PRDM16: variants seen among roughly 807,000 people sequenced by gnomAD.
PRDM16 encodes the protein PR/SET domain 16.
A neutral mutation model predicts 110.6 loss-of-function variants in PRDM16; 23 were observed. The observed-to-expected ratio is 0.21, with a 90% CI of 0.15 to 0.29. The LOEUF is 0.29. Ranked by LOEUF, PRDM16 falls within the 10% of genes least tolerant of loss-of-function variation. PRDM16 has a pLI of 1.00. For missense variants in PRDM16, 1,615 were observed against 1,794.3 expected (o/e 0.90, Z 1.81); for synonymous variants, 799 against 781.8 (o/e 1.02, Z -0.37).
chr1:3,197,172 C>G (rs1383777789), intron 2 of PRDM16, among the ~76,000 whole-genome samples: 1 of 152,194 alleles, frequency 6.6e-6, no homozygotes, highest in Non-Finnish European at 1.5e-5. Context: ...ATCTCCTCCC[C>G]CTCCCAGTGC....
At chr1:3,117,737 C>T (rs1372112789) in intron 1 of PRDM16, among the ~76,000 whole-genome samples, 1 of 152,152 alleles carries the variant, frequency 6.6e-6, no homozygotes, top group African/African-American at 2.4e-5. Flanking sequence ...GGCTGAGCCA[C>T]AGGCCCGGGC....
chr1:3,268,494 G>T (rs907683562), intron 3 of PRDM16, among the ~76,000 whole-genome samples: 3 of 152,216 alleles, frequency 2.0e-5, no homozygotes, highest in Non-Finnish European at 2.9e-5. Flanking sequence ...GGGCAGACGG[G>T]CCCTGCGAGG....
At chr1:3,384,476 G>C (rs1643161975) in intron 3 of PRDM16, among the ~76,000 whole-genome samples, 1 of 152,172 alleles carries the variant, frequency 6.6e-6, no homozygotes, top group Non-Finnish European at 1.5e-5. Flanking sequence ...CCTCGGAGGA[G>C]TGGGGGTCAC....
chr1:3,118,914 G>GGA lies in PRDM16; in HGVS notation c.37+49622_37+49623dup, dbSNP rs566937179. 2.0e-3 allele frequency among the ~76,000 whole-genome samples: 306 copies of GGA among 152,340 alleles called. 1 individual carries two copies. The highest frequency in any genetic ancestry group is 7.2e-3 in the African/African-American group (301 of 41,578). On this transcript the variant is annotated intron_variant, in intron 1 of 16. Coordinates refer to ENST00000270722, the MANE Select transcript of PRDM16 (RefSeq NM_022114.4). ...AAGACTCCCATCAAAGAAAGGCCTG[G>GGA]GAGAGCCCCCTGCCCGACCTTCTAA...
intron 1 of PRDM16, among the ~76,000 whole-genome samples, chr1:3,181,164 GGTCT>G (rs1557508177): frequency 6.5e-5 from 2 of 30,864 alleles, no homozygotes; most frequent in African/African-American, 2.1e-4. Context: ...TCTTACACGC[GGTCT>G]TACGGTCTTA....
At chr1:3,338,366 C>T (rs1020134721) in intron 3 of PRDM16, among the ~76,000 whole-genome samples, 1 of 152,232 alleles carries the variant, frequency 6.6e-6, no homozygotes, top group African/African-American at 2.4e-5. Flanking sequence ...GGACATTTGG[C>T]CTCTAGGCTT....
chr1:3,388,966 C>G (rs2100613535), intron 4 of PRDM16, among the ~76,000 whole-genome samples: 1 of 152,328 alleles, frequency 6.6e-6, no homozygotes, highest in Non-Finnish European at 1.5e-5. Flanking sequence ...CTCCAGGGCA[C>G]CTGCTGAGCT....
intron 3 of PRDM16, among the ~76,000 whole-genome samples, chr1:3,365,909 T>C (rs949097997): frequency 3.3e-5 from 5 of 149,992 alleles, no homozygotes; most frequent in African/African-American, 1.2e-4. Flanking sequence ...TGCACACACA[T>C]GCACACATAC....
At chr1:3,222,912 G>A (rs567342771) in intron 2 of PRDM16, among the ~76,000 whole-genome samples, 81 of 152,236 alleles carry the variant, frequency 5.3e-4, no homozygotes, top group African/African-American at 1.9e-3. Context: ...AGGCCGGGGT[G>A]GAGTTTGGTG....
At chr1:3,360,749 A>G (rs1259645101) in intron 3 of PRDM16, among the ~76,000 whole-genome samples, 2 of 152,198 alleles carry the variant, frequency 1.3e-5, no homozygotes, top group Non-Finnish European at 2.9e-5. Context: ...CAGGAGTCCA[A>G]CTGACCGAGT....
At chr1:3,277,267 G>A (rs1051779307) in intron 3 of PRDM16, among the ~76,000 whole-genome samples, 11 of 152,154 alleles carry the variant, frequency 7.2e-5, no homozygotes, top group East Asian at 1.9e-4. Context: ...GCAAACAGTC[G>A]AGTCCTGGCT....
intron 3 of PRDM16, among the ~76,000 whole-genome samples, chr1:3,361,058 G>A (rs1642704292): frequency 6.6e-6 from 1 of 152,264 alleles, no homozygotes; most frequent in East Asian, 1.9e-4. Context: ...CTGCGGAACA[G>A]CGTTCCATTG....
At chr1:3,403,203 G>T (rs964840695) in intron 6 of PRDM16, among the ~76,000 whole-genome samples, 1 of 152,202 alleles carries the variant, frequency 6.6e-6, no homozygotes, top group Non-Finnish European at 1.5e-5. Context: ...CAGAGCAGGT[G>T]CAGGATCCCG....
At position 3,437,832 on chromosome 1, in the gene PRDM16, A is replaced by G. The variant is rs1439995011; in HGVS notation, c.*4021A>G. The G allele has an allele frequency of 9.2e-6, 2 of 217,202 alleles. No individual in the cohort carries two copies. Among genetic ancestry groups the G allele is most frequent in the Non-Finnish European group, 1.9e-5 (2 of 107,980 alleles). The allele number at this position is 217,202 out of a possible 1,614,324, so 13.5% of individuals were successfully genotyped here. A position where few individuals can be genotyped will look rare whatever the true frequency, so the allele number is the denominator to read the frequency against. On this transcript the variant is annotated 3_prime_UTR_variant, in exon 17 of 17. Coordinates refer to ENST00000270722, the MANE Select transcript of PRDM16 (RefSeq NM_022114.4). The stretch of plus-strand genomic sequence containing the variant: ...CTTGTGAACAAAAGTCATTCTAACA[A>G]TTGCCTTCAGCGTCACGTGCATTGC...
chr1:3,196,321 C>T (rs1035184002), intron 2 of PRDM16, among the ~76,000 whole-genome samples: 16 of 152,216 alleles, frequency 1.1e-4, no homozygotes, highest in African/African-American at 3.4e-4. Flanking sequence ...CTGACCCAGC[C>T]GGGCCCTGGA....
rs1469700006 is a variant in PRDM16, at chr1:3,339,189, C to T, written c.439-45963C>T. On this transcript the variant is annotated intron_variant, in intron 3 of 16. Transcript: ENST00000270722. The surrounding 1 kb of genome is among the most constrained non-coding windows in gnomAD (Gnocchi z 5.0). Reference sequence around the variant, plus strand: ...TGGAGGGCAGCTTCCTGGCCACCCTCACCTCCAGCTGCTGAAAGCCGAACC... The same window carrying T: ...TGGAGGGCAGCTTCCTGGCCACCCTTACCTCCAGCTGCTGAAAGCCGAACC... 1.3e-5 allele frequency among the ~76,000 whole-genome samples: 2 copies of T among 152,168 alleles called. No homozygotes were observed. Among genetic ancestry groups the T allele is most frequent in the African/African-American group, 4.8e-5 (2 of 41,440 alleles).
chr1:3,191,950 C>G (rs1638317956), intron 2 of PRDM16, among the ~76,000 whole-genome samples: 1 of 152,194 alleles, frequency 6.6e-6, no homozygotes, highest in African/African-American at 2.4e-5. Context: ...AGTGCTGAGA[C>G]CCGGTTCAGT....
intron 1 of PRDM16, among the ~76,000 whole-genome samples, chr1:3,116,460 C>T (rs1312381110): frequency 6.6e-6 from 1 of 152,142 alleles, no homozygotes; most frequent in Non-Finnish European, 1.5e-5. Flanking sequence ...GATGGCAGCC[C>T]AGCCTGGATG....
At chr1:3,295,176 C>T (rs1641059659) in intron 3 of PRDM16, among the ~76,000 whole-genome samples, 1 of 152,216 alleles carries the variant, frequency 6.6e-6, no homozygotes, top group African/African-American at 2.4e-5. Context: ...GCATGAGGTC[C>T]CTGCTCACAG....
Sources: allele counts gnomAD v4.1 joint callset (sites outside exome capture counted in the v4.1 genomes callset), GRCh38; gene constraint gnomAD v4.1.1; non-coding constraint Gnocchi (gnomAD v3.1); transcripts MANE v1.5; gene names NCBI Gene and HGNC (gene_info 2026-07-23, HGNC 2026-07-21).